The following BRIP1 variants were observed in gnomAD, a reference collection of about 807,000 sequenced individuals.
BRIP1 encodes the protein BRCA1 interacting DNA helicase 1, also known as Fanconi anemia group J protein.
In BRIP1, 88 loss-of-function variants were observed where a neutral mutation model predicts 119.7. The observed-to-expected ratio is 0.74, with a 90% CI of 0.62 to 0.88. BRIP1 has a LOEUF of 0.88. BRIP1 is among the 40% of genes least tolerant of loss of function. The pLI is 0.00. For synonymous variants in BRIP1, 443 were observed against 496.5 expected (o/e 0.89, Z 1.43); for missense variants, 1,259 against 1,455.4 (o/e 0.87, Z 2.20).
Position 61,794,244 on chromosome 17 carries a change from A to G in BRIP1, c.1341-515T>C, listed in dbSNP as rs1390985107. Among the ~76,000 whole-genome samples the G allele has an allele frequency of 1.3e-5, 2 of 152,174 alleles. No homozygotes were observed. The highest frequency in any genetic ancestry group is 2.9e-5 in the Non-Finnish European group (2 of 68,014). ...AGTGAAAATAACAGCAGTTAAATAA[A>G]ATAGGCAAGGTCCTTACTCTCATGG... On this transcript the variant is annotated intron_variant, in intron 9 of 19. Coordinates refer to ENST00000259008, the MANE Select transcript of BRIP1 (RefSeq NM_032043.3). The surrounding 1 kb of genome is among the most constrained non-coding windows in gnomAD (Gnocchi z 4.3).
rs1222474935 is a variant in BRIP1 at position 61,730,211 on chromosome 17, A to G, written c.2379+12802T>C. Among the ~76,000 whole-genome samples the G allele has an allele frequency of 6.6e-6, 1 of 152,148 alleles. No individual in the cohort carries two copies. The highest frequency in any genetic ancestry group is 2.4e-5 in the African/African-American group (1 of 41,426). The stretch of plus-strand genomic sequence containing the variant: ...AAGAGTGATGTTGTAAACATGGAAC[A>G]GCAATATCTACTACAGTTTATGTTA... On this transcript the variant is annotated intron_variant, in intron 16 of 19. Transcript: ENST00000259008. This position sits in a 1 kb window ranked among gnomAD's most constrained non-coding sequence, Gnocchi z 4.3.
At chr17:61,784,469 T>C (rs1249604158) in intron 10 of BRIP1, 45 bp from the exon 11 acceptor site, 3 of 1,548,434 alleles carry the variant, frequency 1.9e-6, no homozygotes, top group Non-Finnish European at 2.7e-6. Context: ...TGGGAGGGAA[T>C]TGGAAAAAGA....
In BRIP1 at chr17:61,683,180, C is replaced by A. The variant is rs562726845; in HGVS notation, c.*116G>T. 8.2e-7 allele frequency: 1 copy of A among 1,219,382 alleles called. No homozygotes were observed. The highest frequency in any genetic ancestry group is 1.4e-5 in the South Asian group (1 of 71,318). 75.5% of individuals were successfully genotyped at this position (1,219,382 alleles called of 1,614,324 possible). ...GAATAATAACATTTACATTTCTGAA[C>A]ATAAAATAGTTTTTTAAAAAGTATG... On this transcript the variant is annotated 3_prime_UTR_variant, in exon 20 of 20. Coordinates refer to ENST00000259008, the MANE Select transcript of BRIP1 (RefSeq NM_032043.3). This position sits in a 1 kb window ranked among gnomAD's most constrained non-coding sequence, Gnocchi z 4.7.
chr17:61,679,166 A>G lies in BRIP1; in HGVS notation c.*4130T>C, dbSNP rs947795335. On this transcript the variant is annotated 3_prime_UTR_variant, in exon 20 of 20. Transcript: ENST00000259008. This position sits in a 1 kb window ranked among gnomAD's most constrained non-coding sequence, Gnocchi z 4.4. ...TTTTAAATGCGTTTTAATATAGGAAAGTAATACAAAAAAGTCCAGTTGCAG... is the reference window on the plus strand; with the variant it reads ...TTTTAAATGCGTTTTAATATAGGAAGGTAATACAAAAAAGTCCAGTTGCAG... Among the ~76,000 whole-genome samples the G allele has an allele frequency of 1.3e-5, 2 of 152,198 alleles. No homozygotes were observed. Among genetic ancestry groups the G allele is most frequent in the Non-Finnish European group, 2.9e-5 (2 of 68,022 alleles).
rs2144678538 is a variant in BRIP1 at position 61,743,095 on chromosome 17, C to T, written c.2297G>A (p.Ser766Asn). The T allele has an allele frequency of 6.2e-7, 1 of 1,613,972 alleles. No individual in the cohort carries two copies. The highest frequency in any genetic ancestry group is 8.5e-7 in the Non-Finnish European group (1 of 1,179,896). The change falls in exon 16 of 20, where the codon AGT (serine) becomes AAT (asparagine). Residue 766 changes from serine to asparagine, a missense_variant. By Grantham distance (46) the Ser-to-Asn change is conservative (BLOSUM62 1). Around this residue, in one of 3 missense-constraint regions of BRIP1, gnomAD observed 753 missense variants for 891.8 expected, o/e 0.84. Transcript: ENST00000259008. The surrounding 1 kb of genome is among the most constrained non-coding windows in gnomAD (Gnocchi z 4.3). The part of the protein sequence containing the change: ...LLVAVCRGKV[S>N]EGLDFSDDNA... ...GTCATCTGAGAAATCCAGACCCTCA[C>T]TCACTTTACCACGACAAACTGCTAC... is the stretch of plus-strand genomic sequence containing the variant.
Position 61,700,685 on chromosome 17 carries a change from G to A in BRIP1, c.2493-7173C>T, listed in dbSNP as rs983460592. Among the ~76,000 whole-genome samples the A allele has an allele frequency of 2.6e-5, 4 of 152,006 alleles. No individual in the cohort carries two copies. Among genetic ancestry groups the A allele is most frequent in the Admixed American group, 2.0e-4 (3 of 15,240 alleles). On this transcript the variant is annotated intron_variant, in intron 17 of 19. Transcript: ENST00000259008. This position sits in a 1 kb window ranked among gnomAD's most constrained non-coding sequence, Gnocchi z 4.1. The stretch of plus-strand genomic sequence containing the variant: ...TATCTTCTTGGATGTATAAATTAAC[G>A]TTTTTCATCAAATTCGGAACGTTTT...
In BRIP1 at chr17:61,710,747, C is replaced by A. The variant is rs1567751472; in HGVS notation, c.2492+5204G>T. ...CAAGATGTAAAGGGCCATTTAGTAG[C>A]CATGTGGCCTTAGAAAAATAATTTA... On this transcript the variant is annotated intron_variant, in intron 17 of 19. Transcript: ENST00000259008. This position sits in a 1 kb window ranked among gnomAD's most constrained non-coding sequence, Gnocchi z 5.4. Among the ~76,000 whole-genome samples the A allele has an allele frequency of 6.6e-6, 1 of 151,998 alleles. No homozygotes were observed. Among genetic ancestry groups the A allele is most frequent in the Non-Finnish European group, 1.5e-5 (1 of 67,992 alleles).
Position 61,827,698 on chromosome 17 carries a change from C to T in BRIP1, c.628-18941G>A, listed in dbSNP as rs1032398424. Among the ~76,000 whole-genome samples the T allele has an allele frequency of 8.5e-5, 13 of 152,172 alleles. No homozygotes were observed. Among genetic ancestry groups the T allele is most frequent in the Admixed American group, 2.6e-4 (4 of 15,282 alleles). Reference sequence around the variant, plus strand: ...CAGCTGAGATAGTGCCACTGCACTCCGGCCTGGGCGACAGAGTGAAGCCCT... The same window carrying T: ...CAGCTGAGATAGTGCCACTGCACTCTGGCCTGGGCGACAGAGTGAAGCCCT... On this transcript the variant is annotated intron_variant, in intron 6 of 19. Transcript: ENST00000259008. This position sits in a 1 kb window ranked among gnomAD's most constrained non-coding sequence, Gnocchi z 5.8.
rs771028677 is a variant in BRIP1 at position 61,684,052 on chromosome 17, CTTTG to C, written c.2990_2993del (p.Thr997ArgfsTer61). 55 of 1,613,572 alleles carry C rather than the reference CTTTG, an allele frequency of 3.4e-5. No homozygotes were observed. Among genetic ancestry groups the C allele is most frequent in the East Asian group, 4.5e-5 (2 of 44,896 alleles). On this transcript the variant is annotated frameshift_variant, in exon 20 of 20. Coordinates refer to ENST00000259008, the MANE Select transcript of BRIP1 (RefSeq NM_032043.3). LOFTEE classifies it low-confidence loss of function (END_TRUNC). This position sits in a 1 kb window ranked among gnomAD's most constrained non-coding sequence, Gnocchi z 4.5. ...AATTAAAGCTTGACCAGCTAACTCT[CTTTG>C]TTTGTTTGTTGAAAGTTGGGCTTGT...
At chr17:61,716,411 C>T (rs2061863837) in intron 16 of BRIP1, among the ~76,000 whole-genome samples, 1 of 151,966 alleles carries the variant, frequency 6.6e-6, no homozygotes, top group South Asian at 2.1e-4. Context: ...CAAAAGTTCC[C>T]TCTTATCCCT....
At position 61,754,098 on chromosome 17, in the gene BRIP1, A is replaced by G. The variant is rs2077169661; in HGVS notation, c.2098-9507T>C. Among the ~76,000 whole-genome samples the G allele has an allele frequency of 6.6e-6, 1 of 152,160 alleles. No homozygotes were observed. The highest frequency in any genetic ancestry group is 1.5e-5 in the Non-Finnish European group (1 of 68,024). ...ACCCTTGCTTCAGCCTATGCTCTCT[A>G]CAGTCCATTTTCCATACAGCAGCCA... On this transcript the variant is annotated intron_variant, in intron 14 of 19. Transcript: ENST00000259008. This position sits in a 1 kb window ranked among gnomAD's most constrained non-coding sequence, Gnocchi z 4.1.
intron 14 of BRIP1, among the ~76,000 whole-genome samples, chr17:61,747,079 C>G (rs898131984): frequency 5.3e-5 from 8 of 151,820 alleles, no homozygotes; most frequent in African/African-American, 1.9e-4. Context: ...TTTTGAACAA[C>G]CAATGAATGG....
intron 6 of BRIP1, among the ~76,000 whole-genome samples, chr17:61,829,421 C>A (rs879275537): frequency 6.6e-6 from 1 of 151,388 alleles, no homozygotes; most frequent in African/African-American, 2.4e-5. Flanking sequence ...ACCCATGAAG[C>A]AAAAACTGGT....
At chr17:61,772,820 GAAAA>G (rs71355193) in intron 14 of BRIP1, among the ~76,000 whole-genome samples, 1 of 53,540 alleles carries the variant, frequency 1.9e-5, no homozygotes, top group Non-Finnish European at 3.3e-5. Flanking sequence ...TTCCATCTCA[GAAAA>G]AAAAAAAAAA....
chr17:61,779,265 A>G (rs2077578063), intron 13 of BRIP1, among the ~76,000 whole-genome samples: 1 of 152,220 alleles, frequency 6.6e-6, no homozygotes, highest in African/African-American at 2.4e-5. Context: ...CTGTAGTCTA[A>G]TGGAAAAGAG....
chr17:61,684,710 TA>T lies in BRIP1; in HGVS notation c.2906-571del, dbSNP rs2061334772. On this transcript the variant is annotated intron_variant, in intron 19 of 19. Coordinates refer to ENST00000259008, the MANE Select transcript of BRIP1 (RefSeq NM_032043.3). The surrounding 1 kb of genome is among the most constrained non-coding windows in gnomAD (Gnocchi z 4.5). The stretch of plus-strand genomic sequence containing the variant: ...GTATTTATATACAAAATTGTATTAC[TA>T]TTTTGTAGTACTTATATACTACAAA... The T allele has an allele frequency of 6.6e-6, 1 of 152,326 alleles. No individual in the cohort carries two copies. The highest frequency in any genetic ancestry group is 1.5e-5 in the Non-Finnish European group (1 of 68,148). The allele number at this position is 152,326 out of a possible 1,614,324, so 9.4% of individuals were successfully genotyped here.
At chr17:61,801,200 A>G in intron 8 of BRIP1, 53 bp downstream of exon 8, 1 of 1,513,812 alleles carries the variant, frequency 6.6e-7, no homozygotes, top group Non-Finnish European at 9.2e-7. Flanking sequence ...TACATTCAAC[A>G]TTTACATCTC....
At chr17:61,786,797 TTA>T (rs2077716930) in intron 10 of BRIP1, among the ~76,000 whole-genome samples, 1 of 131,358 alleles carries the variant, frequency 7.6e-6, no homozygotes, top group Non-Finnish European at 1.6e-5. Flanking sequence ...ATAGTATATA[TTA>T]TATATTTATA....
At position 61,805,115 on chromosome 17, in the gene BRIP1, C is replaced by T. The variant is rs2078055991; in HGVS notation, c.918+3352G>A. ...CATGTATTTTTATCTATGAATTATC[C>T]AAAAGGAGAATCCGTGTTTTCAAAA... On this transcript the variant is annotated intron_variant, in intron 7 of 19. Transcript: ENST00000259008. This position sits in a 1 kb window ranked among gnomAD's most constrained non-coding sequence, Gnocchi z 5.6. Among the ~76,000 whole-genome samples the T allele has an allele frequency of 6.6e-6, 1 of 151,694 alleles. No homozygotes were observed. Among genetic ancestry groups the T allele is most frequent in the African/African-American group, 2.4e-5 (1 of 41,238 alleles).
Sources: allele counts gnomAD v4.1 joint callset (sites outside exome capture counted in the v4.1 genomes callset), GRCh38; gene constraint gnomAD v4.1.1; regional missense constraint gnomAD v4.1.1; non-coding constraint Gnocchi (gnomAD v3.1); transcripts MANE v1.5; gene names NCBI Gene and HGNC (gene_info 2026-07-23, HGNC 2026-07-21).